GSK3B: variants seen among roughly 807,000 people sequenced by gnomAD.
GSK3B encodes glycogen synthase kinase-3 beta.
GSK3B carries 15 observed loss-of-function variants against 56.4 expected under a neutral mutation model. That is an observed-to-expected ratio of 0.27 (90% CI 0.18 to 0.41). The LOEUF is 0.41. Among genes scored for constraint, GSK3B ranks in the 10% least tolerant of loss-of-function variants. The probability of loss-of-function intolerance (pLI) is 1.00; values close to 1 mark genes in which losing one functional copy is unlikely to be tolerated. For missense variants in GSK3B, 300 were observed against 513.4 expected, an observed-to-expected ratio of 0.58 and a Z score of 4.02; for synonymous variants, 181 against 188.9, an observed-to-expected ratio of 0.96 and a Z score of 0.34.
chr3:120,010,638 C>G (rs955174975), intron 1 of GSK3B, among the ~76,000 whole-genome samples: 1 of 152,164 alleles, frequency 6.6e-6, no homozygotes, highest in African/African-American at 2.4e-5. Context: ...AACAAAGGAT[C>G]ATTAATAAAC....
intron 10 of GSK3B, among the ~76,000 whole-genome samples, chr3:119,827,599 A>AG (rs937815827): frequency 2.2e-5 from 3 of 138,866 alleles, no homozygotes; most frequent in African/African-American, 7.6e-5. Context: ...AAAAAAAAAA[A>AG]AAAAAAAAAA....
At chr3:119,839,042 G>A (rs1308700327) in intron 10 of GSK3B, among the ~76,000 whole-genome samples, 1 of 152,190 alleles carries the variant, frequency 6.6e-6, no homozygotes, top group African/African-American at 2.4e-5. Flanking sequence ...TTTCAAAGGT[G>A]AGAAAGAATT....
intron 2 of GSK3B, among the ~76,000 whole-genome samples, chr3:119,963,132 T>G (rs969089884): frequency 3.9e-5 from 6 of 152,088 alleles, no homozygotes; most frequent in Non-Finnish European, 5.9e-5. Context: ...AGGAATTAAC[T>G]TAACCAAGGA....
At chr3:120,001,482 A>G (rs1187149078) in intron 2 of GSK3B, among the ~76,000 whole-genome samples, 1 of 152,212 alleles carries the variant, frequency 6.6e-6, no homozygotes, top group African/African-American at 2.4e-5. Context: ...GCCCATGATT[A>G]GAAGTTTCCT....
At chr3:119,879,692 T>C (rs1347800321) in intron 7 of GSK3B, among the ~76,000 whole-genome samples, 1 of 152,128 alleles carries the variant, frequency 6.6e-6, no homozygotes, top group Non-Finnish European at 1.5e-5. Context: ...CCTATCTCCA[T>C]GAGTTCAATT....
intron 1 of GSK3B, among the ~76,000 whole-genome samples, chr3:120,071,631 C>A (rs1447542563): frequency 3.9e-5 from 6 of 152,162 alleles, no homozygotes; most frequent in Non-Finnish European, 7.3e-5. Flanking sequence ...CCCAGCACCC[C>A]CAGATGGGAC....
chr3:119,891,718 T>C (rs6795653), intron 7 of GSK3B, among the ~76,000 whole-genome samples: 81,373 of 151,986 alleles, frequency 0.54, 25,128 homozygotes, highest in African/African-American at 0.86. Context: ...GAAATTAAAC[T>C]AGATGGAAAT....
chr3:119,979,782 G>C (rs1321150887), intron 2 of GSK3B, among the ~76,000 whole-genome samples: 3 of 152,144 alleles, frequency 2.0e-5, no homozygotes, highest in Admixed American at 1.3e-4. Flanking sequence ...CTTTGGAAAA[G>C]AGAAAAGGCA....
At chr3:120,038,007 T>G (rs923892007) in intron 1 of GSK3B, among the ~76,000 whole-genome samples, 2 of 152,230 alleles carry the variant, frequency 1.3e-5, no homozygotes, top group African/African-American at 2.4e-5. Context: ...TGCAAGATAC[T>G]GTACTAAACA....
At chr3:119,936,285 G>A (rs2056992602) in intron 3 of GSK3B, among the ~76,000 whole-genome samples, 1 of 143,678 alleles carries the variant, frequency 7.0e-6, no homozygotes, top group Admixed American at 6.9e-5. Context: ...AAGGCTTCAG[G>A]TTATATATAT....
At chr3:119,854,301 T>A (rs1013074329) in intron 9 of GSK3B, among the ~76,000 whole-genome samples, 2 of 152,232 alleles carry the variant, frequency 1.3e-5, no homozygotes, top group African/African-American at 4.8e-5. Context: ...CTTTTTGATG[T>A]GCTACTGGAT....
chr3:119,845,063 CAT>C (rs762980123), intron 9 of GSK3B, among the ~76,000 whole-genome samples: 3 of 152,206 alleles, frequency 2.0e-5, no homozygotes, highest in Non-Finnish European at 4.4e-5. Context: ...ACAAAAACCA[CAT>C]GATTATCTCA....
rs577824571 is a variant in GSK3B, at chr3:119,886,797, A to G, written c.814-10289T>C. Among the ~76,000 whole-genome samples, 53 of 152,284 alleles carry G rather than the reference A, an allele frequency of 3.5e-4. 1 individual carries two copies. Among genetic ancestry groups the G allele is most frequent in the African/African-American group, 1.3e-3 (52 of 41,566 alleles). ...AAGCAAATACTGCATGTTCTCACTT[A>G]TAAGTGGGAGCTAAACACTGGGTAA... On this transcript the variant is annotated intron_variant, in intron 7 of 10. Coordinates refer to ENST00000264235, the MANE Select transcript of GSK3B (RefSeq NM_001146156.2).
chr3:119,963,625 C>CAAAAAAAAAAAAAAAAAAAGAAAAAAAAA (rs2057293080), intron 2 of GSK3B, among the ~76,000 whole-genome samples: 1 of 79,172 alleles, frequency 1.3e-5, no homozygotes, highest in African/African-American at 4.4e-5. Flanking sequence ...TTCTTCCCCA[C>CAAAAAAAAAAAAAAAAAAAGAAAAAAAAA]AAAAAAAAAA....
In GSK3B at chr3:119,825,254, A is replaced by G. The variant is rs2055485183; in HGVS notation, c.*1534T>C. ...TAAGGCCCACATAGATGCCAACCTT[A>G]AAAGTATAAAACAAACTAGTCATGA... is the stretch of plus-strand genomic sequence containing the variant. On this transcript the variant is annotated 3_prime_UTR_variant, in exon 11 of 11. Coordinates refer to ENST00000264235, the MANE Select transcript of GSK3B (RefSeq NM_001146156.2). 4.4e-6 allele frequency: 1 copy of G among 228,902 alleles called. No individual in the cohort carries two copies. The highest frequency in any genetic ancestry group is 5.7e-5 in the Admixed American group (1 of 17,638). The allele number at this position is 228,902 out of a possible 1,614,324, so 14.2% of individuals were successfully genotyped here.
intron 1 of GSK3B, among the ~76,000 whole-genome samples, chr3:120,058,527 G>A (rs2058209637): frequency 6.6e-6 from 1 of 151,872 alleles, no homozygotes; most frequent in East Asian, 1.9e-4. Flanking sequence ...ATCTCAAGAT[G>A]CAGTAATCTT....
chr3:119,905,016 TA>T (rs1434238498), intron 7 of GSK3B, among the ~76,000 whole-genome samples: 1 of 151,120 alleles, frequency 6.6e-6, no homozygotes, highest in Non-Finnish European at 1.5e-5. Context: ...ATTTAAAACT[TA>T]AAAAAATTAC....
chr3:119,910,856 C>A (rs1035527257), intron 6 of GSK3B, among the ~76,000 whole-genome samples: 6 of 152,334 alleles, frequency 3.9e-5, no homozygotes, highest in Admixed American at 3.9e-4. Context: ...GATTCCACCT[C>A]AAGAAACCAC....
At chr3:120,026,512 TACAC>T (rs61580328) in intron 1 of GSK3B, among the ~76,000 whole-genome samples, 2,253 of 130,456 alleles carry the variant, frequency 0.017, 26 homozygotes, top group East Asian at 0.047. Flanking sequence ...TACCGCCAAA[TACAC>T]ACACACACAC....
Sources: gnomAD v4.1 joint callset for allele counts (sites outside exome capture counted in the v4.1 genomes callset) on GRCh38, gnomAD v4.1.1 for gene constraint, MANE v1.5 for transcripts, NCBI Gene and HGNC (gene_info 2026-07-23, HGNC 2026-07-21) for gene names.